Variants in LAMP5 observed in about 807,000 individuals in gnomAD.
LAMP5 encodes lysosome associated membrane protein 5, also known as lysosome-associated membrane glycoprotein 5.
Under a neutral mutation model 30.2 loss-of-function variants are expected in LAMP5, and 36 were observed. The ratio of observed to expected loss-of-function variants is 1.19; its 90% CI spans 0.91 to 1.57. LAMP5 has a LOEUF of 1.57. Ranked by LOEUF, LAMP5 falls within the 40% of genes most tolerant of loss-of-function variation. The pLI is 0.00. For missense variants in LAMP5, 377 were observed against 354.9 expected (o/e 1.06, Z -0.50); for synonymous variants, 149 against 134.6 (o/e 1.11, Z -0.74).
rs2045140290 is a variant in LAMP5 at position 9,530,019 on chromosome 20, T to C, written c.*199T>C. ...ACTCTTTCGGATTTGTAGGGTGAAA[T>C]GGCAATTATTCTCTCCATGCTGGGG... On this transcript the variant is annotated 3_prime_UTR_variant, in exon 6 of 6. Transcript: ENST00000246070. 6.0e-6 allele frequency: 3 copies of C among 500,428 alleles called. No homozygotes were observed. Among genetic ancestry groups the C allele is most frequent in the African/African-American group, 3.8e-5 (2 of 52,564 alleles). 31.0% of individuals were successfully genotyped at this position (500,428 alleles called of 1,614,324 possible).
Position 9,529,844 on chromosome 20 carries a change from A to C in LAMP5, c.*24A>C. 2.5e-6 allele frequency: 4 copies of C among 1,610,536 alleles called. No homozygotes were observed. The highest frequency in any genetic ancestry group is 3.4e-6 in the Non-Finnish European group (4 of 1,177,204). ...AGAGGCCGTTAGGCAGGCACCCCCT[A>C]TTCCTGCTCCCCCAACTGGATCAGG... On this transcript the variant is annotated 3_prime_UTR_variant, in exon 6 of 6. Coordinates refer to ENST00000246070, the MANE Select transcript of LAMP5 (RefSeq NM_012261.4).
intron 5 of LAMP5, among the ~76,000 whole-genome samples, chr20:9,522,320 C>T (rs1035616330): frequency 6.6e-6 from 1 of 152,198 alleles, no homozygotes; most frequent in African/African-American, 2.4e-5. Context: ...TGACATTTCT[C>T]TATATACCAG....
At chr20:9,527,119 G>A (rs1470432380) in intron 5 of LAMP5, among the ~76,000 whole-genome samples, 1 of 151,936 alleles carries the variant, frequency 6.6e-6, no homozygotes, top group African/African-American at 2.4e-5. Flanking sequence ...CCAGCATGCA[G>A]ATCAGGAAAC....
At chr20:9,526,179 A>T (rs559187955) in intron 5 of LAMP5, among the ~76,000 whole-genome samples, 5 of 152,220 alleles carry the variant, frequency 3.3e-5, no homozygotes, top group Admixed American at 3.3e-4. Flanking sequence ...TTTTTGTGAG[A>T]TAATTTATTT....
At chr20:9,516,576 G>A (rs2045042154) in intron 4 of LAMP5, among the ~76,000 whole-genome samples, 1 of 152,126 alleles carries the variant, frequency 6.6e-6, no homozygotes, top group African/African-American at 2.4e-5. Context: ...CAGGCGTGGG[G>A]ACCCAAACGT....
chr20:9,520,815 A>C (rs886975259), intron 5 of LAMP5, among the ~76,000 whole-genome samples: 1 of 152,206 alleles, frequency 6.6e-6, no homozygotes, highest in Non-Finnish European at 1.5e-5. Context: ...GGAGGTTGAC[A>C]TCTTTATCAC....
At position 9,514,915 on chromosome 20, in the gene LAMP5, C is replaced by G; in HGVS notation, c.63C>G (p.Phe21Leu). 3 of 1,614,058 alleles carry G rather than the reference C, an allele frequency of 1.9e-6. No individual in the cohort carries two copies. The highest frequency in any genetic ancestry group is 2.5e-6 in the Non-Finnish European group (3 of 1,179,916). The change falls in exon 1 of 6, where the codon TTC becomes TTG. Residue 21 changes from phenylalanine (F) to leucine (L), a missense_variant and splice_region_variant. Phe to Leu is a conservative substitution (Grantham distance 22). Transcript: ENST00000246070. ...GACTTCGAGTTCTCCTGATGTTGTTCCGTGAGTAGCGATTTGGCGACTGGG... is the reference window on the plus strand; with the variant it reads ...GACTTCGAGTTCTCCTGATGTTGTTGCGTGAGTAGCGATTTGGCGACTGGG... ...IDRLRVLLML[F>L]HTMAQIMAEQ... is the part of the protein sequence containing the mutation.
Position 9,530,133 on chromosome 20 carries a change from T to C in LAMP5, c.*313T>C. The C allele has an allele frequency of 4.1e-6, 1 of 243,238 alleles. No homozygotes were observed. The highest frequency in any genetic ancestry group is 2.2e-5 in the African/African-American group (1 of 46,006). The allele number at this position is 243,238 out of a possible 1,614,324, so 15.1% of individuals were successfully genotyped here. A position where few individuals can be genotyped will look rare whatever the true frequency, so the allele number is the denominator to read the frequency against. On this transcript the variant is annotated 3_prime_UTR_variant, in exon 6 of 6. Coordinates refer to ENST00000246070, the MANE Select transcript of LAMP5 (RefSeq NM_012261.4). ...GAGCAATAAATGCCACTTGGAGCTG[T>C]ATCTGGCCCCAAAGTTTAGGGATTG...
Position 9,529,903 on chromosome 20 carries a change from C to A in LAMP5, c.*83C>A. On this transcript the variant is annotated 3_prime_UTR_variant, in exon 6 of 6. Transcript: ENST00000246070. ...CAAAAGCACTTTTCCATCTTGTACACGAGATACACCAACATAGCTACAATC... is the reference window on the plus strand; with the variant it reads ...CAAAAGCACTTTTCCATCTTGTACAAGAGATACACCAACATAGCTACAATC... 7.5e-7 allele frequency: 1 copy of A among 1,340,216 alleles called. No homozygotes were observed. Among genetic ancestry groups the A allele is most frequent in the Non-Finnish European group, 1.0e-6 (1 of 955,580 alleles). 83.0% of individuals were successfully genotyped at this position (1,340,216 alleles called of 1,614,324 possible).
chr20:9,521,031 C>G (rs1950563509), intron 5 of LAMP5, among the ~76,000 whole-genome samples: 1 of 152,072 alleles, frequency 6.6e-6, no homozygotes, highest in African/African-American at 2.4e-5. Flanking sequence ...CACTGCTGGC[C>G]CATGGAGCAC....
intron 2 of LAMP5, 52 bp from the exon 3 acceptor site, chr20:9,515,948 C>A (rs1265578979): frequency 6.9e-7 from 1 of 1,447,028 alleles, no homozygotes; most frequent in Non-Finnish European, 9.1e-7. Context: ...CTTTACAGCC[C>A]CCGCCCCGGG....
At chr20:9,521,420 A>G (rs1392041744) in intron 5 of LAMP5, among the ~76,000 whole-genome samples, 1 of 152,178 alleles carries the variant, frequency 6.6e-6, no homozygotes, top group Non-Finnish European at 1.5e-5. Flanking sequence ...TGTTTAAGCT[A>G]TTTTACAAAT....
At chr20:9,525,222 A>G (rs2045104821) in intron 5 of LAMP5, among the ~76,000 whole-genome samples, 1 of 152,124 alleles carries the variant, frequency 6.6e-6, no homozygotes, top group Non-Finnish European at 1.5e-5. Flanking sequence ...CTTTTTTATT[A>G]TCAATTTAGA....
rs774083836 is a variant in LAMP5 at position 9,529,736 on chromosome 20, C to T, written c.759C>T (p.Leu253=). The T allele has an allele frequency of 9.9e-6, 16 of 1,614,184 alleles. No homozygotes were observed. Among genetic ancestry groups the T allele is most frequent in the Admixed American group, 3.3e-5 (2 of 60,022 alleles). Residue 253 remains leucine, a synonymous_variant, in exon 6 of 6, where the codon CTC becomes CTT. Transcript: ENST00000246070. The stretch of plus-strand genomic sequence containing the variant: ...TGGGCCTCGTCATCATGGTAACACT[C>T]GCGATTTACCACGTCCACCACAAAA... ...LILGLVIMVT[L]AIYHVHHKMT...
chr20:9,515,642 C>CG lies in LAMP5; in HGVS notation c.237+17_237+18insG. The CG allele has an allele frequency of 1.2e-6, 2 of 1,612,414 alleles. No homozygotes were observed. The highest frequency in any genetic ancestry group is 1.1e-5 in the South Asian group (1 of 90,890). On this transcript the variant is annotated intron_variant, in intron 2 of 5. Transcript: ENST00000246070. ...TACGTAGATGTAAGGAATCTTTCCC[C>CG]CCCCTCAGCTTGCTCCTAGGGCTCC...
In LAMP5 at chr20:9,522,972, CTT is replaced by C. The variant is rs60017722; in HGVS notation, c.664+4765_664+4766del. 6.0e-3 allele frequency among the ~76,000 whole-genome samples: 628 copies of C among 104,088 alleles called. 3 individuals carry two copies. Among genetic ancestry groups the C allele is most frequent in the African/African-American group, 0.025 (583 of 23,106 alleles). 68.3% of individuals were successfully genotyped at this position (104,088 alleles called of 152,430 possible). ...TTTTTTTCTTCTCTAATACTTAAAT[CTT>C]TTTTTTTTTTTTTTTTTTTTGAGAT... On this transcript the variant is annotated intron_variant, in intron 5 of 5. Transcript: ENST00000246070.
chr20:9,524,980 T>G (rs917388863), intron 5 of LAMP5, among the ~76,000 whole-genome samples: 21 of 152,218 alleles, frequency 1.4e-4, no homozygotes, highest in Non-Finnish European at 2.4e-4. Flanking sequence ...GGTTGGTAAG[T>G]GCAGGATTTG....
chr20:9,529,666 G>A lies in LAMP5; in HGVS notation c.689G>A (p.Arg230Gln), dbSNP rs766611504. 2.2e-5 allele frequency: 35 copies of A among 1,614,078 alleles called. No individual in the cohort carries two copies. The highest frequency in any genetic ancestry group is 7.7e-5 in the South Asian group (7 of 91,060). Residue 230 changes from arginine (R) to glutamine (Q), a missense_variant, in exon 6 of 6, where the codon CGG becomes CAG. By Grantham distance (43) the Arg-to-Gln change is conservative. Transcript: ENST00000246070. ...SEEHKCPVDEREQLEETLPLI... is the reference protein window; with the variant it reads ...SEEHKCPVDEQEQLEETLPLI... ...GAGCATAAATGCCCAGTGGATGAGC[G>A]GGAGCAACTGGAAGAAACCTTGCCC...
rs1284050301 is a variant in LAMP5, at chr20:9,514,847, G to A, written c.-6G>A. The A allele has an allele frequency of 1.9e-6, 3 of 1,614,078 alleles. No individual in the cohort carries two copies. The highest frequency in any genetic ancestry group is 1.7e-6 in the Non-Finnish European group (2 of 1,179,972). On this transcript the variant is annotated 5_prime_UTR_variant, in exon 1 of 6. Transcript: ENST00000246070. Reference sequence around the variant, plus strand: ...CACAGCCGGCCTCATTCGGGGCACTGCGAGTATGGATCTCCAAGGAAGAGG... The same window carrying A: ...CACAGCCGGCCTCATTCGGGGCACTACGAGTATGGATCTCCAAGGAAGAGG...
Sources: allele counts gnomAD v4.1 joint callset (sites outside exome capture counted in the v4.1 genomes callset), GRCh38; gene constraint gnomAD v4.1.1; transcripts MANE v1.5; gene names NCBI Gene and HGNC (gene_info 2026-07-23, HGNC 2026-07-21).